The following SDCBP2 variants were observed in gnomAD, a reference collection of about 807,000 sequenced individuals.
The protein encoded by SDCBP2 is syndecan binding protein 2.
In SDCBP2, 28 loss-of-function variants were observed where a neutral mutation model predicts 30.7. The observed-to-expected ratio is 0.91, with a 90% CI of 0.68 to 1.25. The LOEUF (loss-of-function observed/expected upper bound fraction) is 1.25, where lower values mean the gene tolerates loss of function less well. Among genes scored for constraint, SDCBP2 ranks in the 50% most tolerant of loss-of-function variants. The probability of loss-of-function intolerance (pLI) is 0.00; values close to 1 mark genes in which losing one functional copy is unlikely to be tolerated. For synonymous variants in SDCBP2, 166 were observed against 157.3 expected (o/e 1.06, Z -0.41); for missense variants, 399 against 379.0 (o/e 1.05, Z -0.44).
At chr20:1,319,698 G>A (rs1303937197) in intron 2 of SDCBP2, 39 bp from the exon 3 acceptor site, 2 of 1,488,634 alleles carry the variant, frequency 1.3e-6, no homozygotes, top group Admixed American at 2.4e-5. Flanking sequence ...CTGTGGCCAG[G>A]ACCCCAGGAA....
At chr20:1,312,298 CCA>C in intron 7 of SDCBP2, 37 bp downstream of exon 7, 1 of 1,598,334 alleles carries the variant, frequency 6.3e-7, no homozygotes. Context: ...AGCCCTCCCA[CCA>C]CCCGGCAGTC....
At chr20:1,318,266 A>G in intron 4 of SDCBP2, 52 bp downstream of exon 4, 4 of 1,219,504 alleles carry the variant, frequency 3.3e-6, no homozygotes, top group South Asian at 1.2e-5. Flanking sequence ...ACCAGGAAAA[A>G]GGGAGGATTG....
intron 2 of SDCBP2, among the ~76,000 whole-genome samples, 186 bp from the exon 3 acceptor site, chr20:1,319,845 T>G (rs1034123325): frequency 6.6e-6 from 1 of 152,226 alleles, no homozygotes; most frequent in Non-Finnish European, 1.5e-5. Context: ...TGTCTTTTCC[T>G]GGGAGGAAGT....
In SDCBP2 at chr20:1,313,488, G is replaced by A. The variant is rs983878206; in HGVS notation, c.236C>T (p.Ser79Leu). 5 of 1,589,716 alleles carry A rather than the reference G, an allele frequency of 3.1e-6. No homozygotes were observed. In the African/African-American group the frequency reaches 6.7e-5, roughly 21 times the overall value. The change falls in exon 5 of 9, where the codon TCG becomes TTG. Residue 79 changes from serine (S) to leucine (L), a missense_variant. Ser to Leu is a moderately radical substitution (Grantham distance 145). Coordinates refer to ENST00000360779, the MANE Select transcript of SDCBP2 (RefSeq NM_080489.5). The surrounding 1 kb of genome is among the most constrained non-coding windows in gnomAD (Gnocchi z 5.2). Reference protein sequence around the residue: ...QIPEGDSTAVSGPGPGQMVAP... With the variant: ...QIPEGDSTAVLGPGPGQMVAP... ...CACCATCTGGCCGGGCCCGGGGCCCGAGACCGCTGTCTGCAGACACCAGGG... is the reference window on the plus strand; with the variant it reads ...CACCATCTGGCCGGGCCCGGGGCCCAAGACCGCTGTCTGCAGACACCAGGG...
At chr20:1,310,915 T>A (rs1233980910) in intron 7 of SDCBP2, 24 bp from the exon 8 acceptor site, 1 of 1,588,368 alleles carries the variant, frequency 6.3e-7, no homozygotes, top group Non-Finnish European at 8.6e-7. Context: ...AAGTAAGCGA[T>A]CACCCTAAGG....
chr20:1,310,663 A>T, intron 8 of SDCBP2, 137 bp downstream of exon 8: 1 of 1,014,454 alleles, frequency 9.9e-7, no homozygotes, highest in Admixed American at 2.1e-5. Flanking sequence ...GGAAGGGAGG[A>T]TAGAGCTGGC....
In SDCBP2 at chr20:1,321,043, TC is replaced by T. The variant is rs2122532760; in HGVS notation, c.-19-609del. 1 of 152,384 alleles carries T rather than the reference TC, an allele frequency of 6.6e-6. No homozygotes were observed. The highest frequency in any genetic ancestry group is 1.9e-4 in the East Asian group (1 of 5,182). 9.4% of individuals were successfully genotyped at this position (152,384 alleles called of 1,614,324 possible). ...CCCCTGCCCAACCTCCTTGTCACCC[TC>T]GGTTCCTGTGGGACACGCCTCCCCT... is the stretch of plus-strand genomic sequence containing the variant. On this transcript the variant is annotated intron_variant, in intron 1 of 8. Transcript: ENST00000360779. This position sits in a 1 kb window ranked among gnomAD's most constrained non-coding sequence, Gnocchi z 5.2.
Position 1,310,336 on chromosome 20 carries a change from C to A in SDCBP2, c.*105G>T. Reference sequence around the variant, plus strand: ...TGGACACGCCCCCCTCATGGCAGCCCCCACCTTAAGCAGCAGGCCGGCTGC... The same window carrying A: ...TGGACACGCCCCCCTCATGGCAGCCACCACCTTAAGCAGCAGGCCGGCTGC... On this transcript the variant is annotated 3_prime_UTR_variant, in exon 9 of 9. Transcript: ENST00000360779. 2 of 1,206,712 alleles carry A rather than the reference C, an allele frequency of 1.7e-6. No individual in the cohort carries two copies. Among genetic ancestry groups the A allele is most frequent in the East Asian group, 4.7e-5 (2 of 42,488 alleles). The allele number at this position is 1,206,712 out of a possible 1,614,324, so 74.8% of individuals were successfully genotyped here.
rs2122508041 is a variant in SDCBP2 at position 1,313,376 on chromosome 20, G to C, written c.348C>G (p.Arg116=). The part of the protein sequence containing the change: ...VREIHLCKDE[R]GKTGLRLRKV... ...TCCGCAGCCTCAGCCCGGTCTTGCC[G>C]CGCTCGTCCTTGCACAGGTGGATCT... Residue 116 remains arginine (R), a synonymous_variant, in exon 5 of 9, where the codon CGC becomes CGG. Transcript: ENST00000360779. The surrounding 1 kb of genome is among the most constrained non-coding windows in gnomAD (Gnocchi z 5.2). The C allele has an allele frequency of 1.9e-6, 3 of 1,611,484 alleles. No homozygotes were observed. In the East Asian group the frequency reaches 6.7e-5, roughly 36 times the overall value.
Position 1,320,255 on chromosome 20 carries a change from C to G in SDCBP2, c.54+108G>C. 1.0e-6 allele frequency: 1 copy of G among 968,744 alleles called. No individual in the cohort carries two copies. Among genetic ancestry groups the G allele is most frequent in the Non-Finnish European group, 1.6e-6 (1 of 628,386 alleles). 60.0% of individuals were successfully genotyped at this position (968,744 alleles called of 1,614,324 possible). A position where few individuals can be genotyped will look rare whatever the true frequency, so the allele number is the denominator to read the frequency against. The stretch of plus-strand genomic sequence containing the variant: ...AGGCCCTGCAGTGGACACCTACATG[C>G]CCTGAGGCCTACGGGAATCTCCAAG... On this transcript the variant is annotated intron_variant, in intron 2 of 8. Transcript: ENST00000360779. This position sits in a 1 kb window ranked among gnomAD's most constrained non-coding sequence, Gnocchi z 4.7.
chr20:1,313,666 A>G lies in SDCBP2; in HGVS notation c.226-168T>C. ...TAGGGGCGAGAGGAGACGTGGCTCC[A>G]CGCGGCCACTAGGGGGCGTCAAAGT... is the stretch of plus-strand genomic sequence containing the variant. On this transcript the variant is annotated intron_variant, in intron 4 of 8. Coordinates refer to ENST00000360779, the MANE Select transcript of SDCBP2 (RefSeq NM_080489.5). This position sits in a 1 kb window ranked among gnomAD's most constrained non-coding sequence, Gnocchi z 5.2. The G allele has an allele frequency of 2.2e-6, 3 of 1,370,218 alleles. No homozygotes were observed. Among genetic ancestry groups the G allele is most frequent in the Non-Finnish European group, 2.8e-6 (3 of 1,063,738 alleles). The allele number at this position is 1,370,218 out of a possible 1,614,324, so 84.9% of individuals were successfully genotyped here.
chr20:1,312,334 T>C lies in SDCBP2; in HGVS notation c.732+3A>G. On this transcript the variant is annotated splice_donor_region_variant and intron_variant, in intron 7 of 8. Transcript: ENST00000360779. The stretch of plus-strand genomic sequence containing the variant: ...TCCCTCCCTGGTGCGGCCACCAGCC[T>C]ACCTTCAGCCCGATAACATTCTGCC... 1.9e-6 allele frequency: 3 copies of C among 1,612,346 alleles called. No individual in the cohort carries two copies. The highest frequency in any genetic ancestry group is 2.2e-5 in the East Asian group (1 of 44,800).
Position 1,320,575 on chromosome 20 carries a change from G to A in SDCBP2, c.-19-140C>T, listed in dbSNP as rs953688125. 2.4e-5 allele frequency: 15 copies of A among 615,666 alleles called. No homozygotes were observed. Among genetic ancestry groups the A allele is most frequent in the African/African-American group, 1.7e-4 (9 of 54,376 alleles). The allele number at this position is 615,666 out of a possible 1,614,324, so 38.1% of individuals were successfully genotyped here. A position where few individuals can be genotyped will look rare whatever the true frequency, so the allele number is the denominator to read the frequency against. On this transcript the variant is annotated intron_variant, in intron 1 of 8. Coordinates refer to ENST00000360779, the MANE Select transcript of SDCBP2 (RefSeq NM_080489.5). The surrounding 1 kb of genome is among the most constrained non-coding windows in gnomAD (Gnocchi z 4.7). ...AGCAGGGCACTTAGAATGCCTCCCC[G>A]AACTCCACCCCTAATCCCCTGTCGA... is the stretch of plus-strand genomic sequence containing the variant.
chr20:1,326,049 T>C (rs2088921258), intron 1 of SDCBP2, among the ~76,000 whole-genome samples: 1 of 152,060 alleles, frequency 6.6e-6, no homozygotes, highest in Non-Finnish European at 1.5e-5. Flanking sequence ...ATGTGGCGTA[T>C]AGGAGGAAGG....
chr20:1,325,862 G>A (rs946832806), intron 1 of SDCBP2: 3 of 152,218 alleles, frequency 2.0e-5, no homozygotes, highest in Non-Finnish European at 4.4e-5. Flanking sequence ...TTCTGACCCA[G>A]TGTTGAGCTA....
Position 1,320,487 on chromosome 20 carries a change from GA to G in SDCBP2, c.-19-53del. On this transcript the variant is annotated intron_variant, in intron 1 of 8. Coordinates refer to ENST00000360779, the MANE Select transcript of SDCBP2 (RefSeq NM_080489.5). This position sits in a 1 kb window ranked among gnomAD's most constrained non-coding sequence, Gnocchi z 4.7. ...ATAAGGATGCAGCTGATGCCCCCTT[GA>G]AAGGAGGCACAGACATCCGCAACAG... 7.2e-7 allele frequency: 1 copy of G among 1,392,288 alleles called. No individual in the cohort carries two copies. Among genetic ancestry groups the G allele is most frequent in the African/African-American group, 1.4e-5 (1 of 69,912 alleles). The allele number at this position is 1,392,288 out of a possible 1,614,324, so 86.2% of individuals were successfully genotyped here. A position where few individuals can be genotyped will look rare whatever the true frequency, so the allele number is the denominator to read the frequency against.
chr20:1,316,117 G>A (rs1319970850), intron 4 of SDCBP2, among the ~76,000 whole-genome samples: 2 of 151,878 alleles, frequency 1.3e-5, no homozygotes, highest in East Asian at 3.9e-4. Context: ...ACAAGAAGAA[G>A]AAAACAAGCC....
chr20:1,310,056 C>G lies in SDCBP2; in HGVS notation c.*385G>C, dbSNP rs1207606201. On this transcript the variant is annotated 3_prime_UTR_variant, in exon 9 of 9. Coordinates refer to ENST00000360779, the MANE Select transcript of SDCBP2 (RefSeq NM_080489.5). Reference sequence around the variant, plus strand: ...GTCTGTGACAAAGAGCAAGTCAAGGCAAGGAAAAAGCTCTCACAAAGAACG... The same window carrying G: ...GTCTGTGACAAAGAGCAAGTCAAGGGAAGGAAAAAGCTCTCACAAAGAACG... 1 of 177,380 alleles carries G rather than the reference C, an allele frequency of 5.6e-6. No individual in the cohort carries two copies. Among genetic ancestry groups the G allele is most frequent in the Non-Finnish European group, 1.2e-5 (1 of 85,436 alleles). 11.0% of individuals were successfully genotyped at this position (177,380 alleles called of 1,614,324 possible). A position where few individuals can be genotyped will look rare whatever the true frequency, so the allele number is the denominator to read the frequency against.
chr20:1,327,069 C>G (rs940618273), intron 1 of SDCBP2, among the ~76,000 whole-genome samples: 10 of 152,178 alleles, frequency 6.6e-5, no homozygotes, highest in African/African-American at 2.4e-4. Context: ...GAAGTTTGCT[C>G]AGTTCTGTGC....
Sources: allele counts gnomAD v4.1 joint callset (sites outside exome capture counted in the v4.1 genomes callset), GRCh38; gene constraint gnomAD v4.1.1; non-coding constraint Gnocchi (gnomAD v3.1); transcripts MANE v1.5; gene names NCBI Gene and HGNC (gene_info 2026-07-23, HGNC 2026-07-21).